GTF2B: variants seen among roughly 807,000 people sequenced by gnomAD.
GTF2B encodes the protein transcription initiation factor IIB.
GTF2B carries 20 observed loss-of-function variants against 34.6 expected under a neutral mutation model. The ratio of observed to expected loss-of-function variants is 0.58; its 90% confidence interval spans 0.41 to 0.84. The LOEUF (loss-of-function observed/expected upper bound fraction) is 0.84. Among genes scored for constraint, GTF2B ranks in the 40% least tolerant of loss-of-function variants. GTF2B has a pLI of 0.00. For synonymous variants in GTF2B, 142 were observed against 132.4 expected (o/e 1.07, Z -0.50); for missense variants, 237 against 393.3 (o/e 0.60, Z 3.36).
chr1:88,865,464 G>A (rs1171376688), intron 2 of GTF2B, among the ~76,000 whole-genome samples: 2 of 152,206 alleles, frequency 1.3e-5, no homozygotes, highest in Non-Finnish European at 2.9e-5. Flanking sequence ...GCTCAGGCCT[G>A]TAATCCCAGC....
At chr1:88,863,892 T>C (rs1673494349) in intron 3 of GTF2B, 89 bp downstream of exon 3, 5 of 1,095,738 alleles carry the variant, frequency 4.6e-6, no homozygotes, top group Non-Finnish European at 6.9e-6. Flanking sequence ...TCCCCACTGG[T>C]GCAGTGACTG....
chr1:88,864,607 C>G (rs1673508430), intron 2 of GTF2B, among the ~76,000 whole-genome samples: 1 of 152,150 alleles, frequency 6.6e-6, no homozygotes, highest in African/African-American at 2.4e-5. Context: ...ACATACCTGG[C>G]CAAATAATTT....
chr1:88,874,474 C>T (rs577168720), intron 2 of GTF2B, among the ~76,000 whole-genome samples: 75 of 146,968 alleles, frequency 5.1e-4, no homozygotes, highest in Admixed American at 3.4e-3. Flanking sequence ...TATAGGCTTG[C>T]GCCACCACAC....
intron 2 of GTF2B, among the ~76,000 whole-genome samples, chr1:88,883,995 C>A (rs1216108386): frequency 6.7e-6 from 1 of 149,528 alleles, no homozygotes; most frequent in East Asian, 2.0e-4. Flanking sequence ...CTCACTGGAG[C>A]TAGTTCTTCT....
Position 88,860,270 on chromosome 1 carries a change from C to G in GTF2B, c.275G>C (p.Ser92Thr). ...TMIGKGTGAASFDEFGNSKYQ... is the reference protein window; with the variant it reads ...TMIGKGTGAATFDEFGNSKYQ... ...CTTAGAATTGCCAAATTCGTCAAAA[C>G]TTGCAGCTCCTGTGCCCTATAAAAC... Residue 92 changes from serine to threonine, a missense_variant, in exon 4 of 7, where the codon AGT becomes ACT. Physicochemically the swap from Ser to Thr is moderately conservative, Grantham distance 58. Coordinates refer to ENST00000370500, the MANE Select transcript of GTF2B (RefSeq NM_001514.6). 2 of 1,614,040 alleles carry G rather than the reference C, an allele frequency of 1.2e-6. No individual in the cohort carries two copies. The highest frequency in any genetic ancestry group is 1.7e-6 in the Non-Finnish European group (2 of 1,179,960).
chr1:88,854,046 A>G (rs1673247736), intron 6 of GTF2B, among the ~76,000 whole-genome samples: 1 of 152,132 alleles, frequency 6.6e-6, no homozygotes, highest in Non-Finnish European at 1.5e-5. Context: ...TGGGTATTGT[A>G]TTTACAACTG....
At chr1:88,880,015 T>C (rs1030828838) in intron 2 of GTF2B, among the ~76,000 whole-genome samples, 6 of 151,194 alleles carry the variant, frequency 4.0e-5, no homozygotes, top group African/African-American at 1.5e-4. Flanking sequence ...GCAGAGATTG[T>C]GCCACTGCAC....
intron 2 of GTF2B, among the ~76,000 whole-genome samples, chr1:88,880,299 G>T (rs1673907944): frequency 6.6e-6 from 1 of 152,090 alleles, no homozygotes; most frequent in Non-Finnish European, 1.5e-5. Flanking sequence ...CACAAATGTT[G>T]TCCCTTAGTG....
In GTF2B at chr1:88,876,704, T is replaced by C. The variant is rs150202634; in HGVS notation, c.124+10557A>G. Among the ~76,000 whole-genome samples the C allele has an allele frequency of 5.8e-3, 888 of 152,278 alleles. 7 individuals carry two copies. The highest frequency in any genetic ancestry group is 0.021 in the African/African-American group (857 of 41,546). On this transcript the variant is annotated intron_variant, in intron 2 of 6. Transcript: ENST00000370500. ...AAAGCACTTGTATCTCCACAATATG[T>C]ATCAGTGAAATCTTATACTAAAATT...
At chr1:88,867,159 T>C (rs1000056187) in intron 2 of GTF2B, among the ~76,000 whole-genome samples, 1 of 152,204 alleles carries the variant, frequency 6.6e-6, no homozygotes, top group African/African-American at 2.4e-5. Flanking sequence ...TTTTTCTTCC[T>C]TTTTACAAAA....
chr1:88,864,203 C>G, intron 2 of GTF2B, 89 bp from the exon 3 acceptor site: 1 of 1,187,480 alleles, frequency 8.4e-7, no homozygotes, highest in Non-Finnish European at 1.2e-6. Context: ...CCATTTTATT[C>G]CCAGGAAATC....
intron 3 of GTF2B, 35 bp downstream of exon 3, chr1:88,863,946 T>A (rs370882368): frequency 5.0e-6 from 8 of 1,604,454 alleles, no homozygotes; most frequent in Admixed American, 1.7e-5. Context: ...ATGGTCACTC[T>A]GCAATTGGTA....
At chr1:88,878,871 C>A (rs1317255193) in intron 2 of GTF2B, among the ~76,000 whole-genome samples, 1 of 152,200 alleles carries the variant, frequency 6.6e-6, no homozygotes, top group East Asian at 1.9e-4. Context: ...GATGACAGAT[C>A]CATGTGCGGA....
intron 6 of GTF2B, among the ~76,000 whole-genome samples, chr1:88,856,293 A>AAC (rs1673311448): frequency 4.0e-5 from 6 of 149,060 alleles, no homozygotes; most frequent in East Asian, 2.0e-4. Flanking sequence ...AAAAAAAACA[A>AAC]AAAAAAAAAA....
chr1:88,878,846 G>A (rs1673868721), intron 2 of GTF2B, among the ~76,000 whole-genome samples: 1 of 152,188 alleles, frequency 6.6e-6, no homozygotes, highest in South Asian at 2.1e-4. Flanking sequence ...AGACAACTAT[G>A]GAGAAGCCCT....
chr1:88,868,921 A>T (rs970595115), intron 2 of GTF2B, among the ~76,000 whole-genome samples: 8 of 151,874 alleles, frequency 5.3e-5, no homozygotes. Context: ...TACTTTTTTT[A>T]GTGCAGACAG....
At chr1:88,875,507 A>T (rs559372786) in intron 2 of GTF2B, among the ~76,000 whole-genome samples, 1 of 152,332 alleles carries the variant, frequency 6.6e-6, no homozygotes, top group East Asian at 1.9e-4. Flanking sequence ...CACTGGTTGA[A>T]GGTGTATCCT....
In GTF2B at chr1:88,852,823, CTA is replaced by C. The variant is rs1673220900; in HGVS notation, c.*388_*389del. On this transcript the variant is annotated 3_prime_UTR_variant, in exon 7 of 7. Coordinates refer to ENST00000370500, the MANE Select transcript of GTF2B (RefSeq NM_001514.6). Reference sequence around the variant, plus strand: ...TCCATAAATTTATTAAAATAAAAAACTATGTATATATAAGTAATGGAAATAAA... The same window carrying C: ...TCCATAAATTTATTAAAATAAAAAACTGTATATATAAGTAATGGAAATAAA... 3 of 159,966 alleles carry C rather than the reference CTA, an allele frequency of 1.9e-5. No individual in the cohort carries two copies. The South Asian group carries it at 5.1e-4, about 27-fold the overall frequency. The allele number at this position is 159,966 out of a possible 1,614,324, so 9.9% of individuals were successfully genotyped here.
At chr1:88,885,889 TTGAC>T (rs1674056101) in intron 2 of GTF2B, among the ~76,000 whole-genome samples, 2 of 152,186 alleles carry the variant, frequency 1.3e-5, no homozygotes, top group Admixed American at 1.3e-4. Context: ...AGGTTGTACT[TTGAC>T]GACCCCAGAT....
Sources: allele counts gnomAD v4.1 joint callset (sites outside exome capture counted in the v4.1 genomes callset), GRCh38; gene constraint gnomAD v4.1.1; transcripts MANE v1.5; gene names NCBI Gene and HGNC (gene_info 2026-07-23, HGNC 2026-07-21).